SPECC1L: variants seen among roughly 807,000 people sequenced by gnomAD.
The protein encoded by SPECC1L is cytospin-A.
SPECC1L carries 40 observed loss-of-function variants against 116.8 expected under a neutral mutation model. That is an observed-to-expected ratio of 0.34 (90% confidence interval 0.27 to 0.45). SPECC1L has a LOEUF of 0.45. Among genes scored for constraint, SPECC1L ranks in the 20% least tolerant of loss-of-function variants. The pLI, the probability that SPECC1L is intolerant of heterozygous loss-of-function variation, is 1.00. For synonymous variants in SPECC1L, 504 were observed against 500.6 expected, an observed-to-expected ratio of 1.01 and a Z score of -0.09; for missense variants, 1,110 against 1,373.6, an observed-to-expected ratio of 0.81 and a Z score of 3.03.
intron 6 of SPECC1L, among the ~76,000 whole-genome samples, chr22:24,328,078 T>A (rs1429136568): frequency 1.3e-5 from 2 of 152,202 alleles, no homozygotes; most frequent in Non-Finnish European, 1.5e-5. Flanking sequence ...AGCACCCTCC[T>A]AAGTCATTTA....
In SPECC1L at chr22:24,322,171, T is replaced by C. The variant is rs375126702; in HGVS notation, c.1191T>C (p.Thr397=). Residue 397 remains threonine (T), a synonymous_variant, in exon 5 of 17, where the codon ACT becomes ACC. Coordinates refer to ENST00000314328, the MANE Select transcript of SPECC1L (RefSeq NM_015330.6). The part of the protein sequence containing the change: ...NASEVSVACL[T]ERIHQMEENQ... ...GTGAAGTGTCCGTGGCTTGCCTGAC[T>C]GAACGGATACACCAGATGGAAGAGA... The C allele has an allele frequency of 1.9e-6, 3 of 1,613,786 alleles. No homozygotes were observed. The highest frequency in any genetic ancestry group is 2.5e-6 in the Non-Finnish European group (3 of 1,180,042).
At chr22:24,366,208 T>C (rs1048849016) in intron 13 of SPECC1L, among the ~76,000 whole-genome samples, 2 of 152,070 alleles carry the variant, frequency 1.3e-5, no homozygotes, top group Non-Finnish European at 2.9e-5. Context: ...TTCTTTTTTT[T>C]TTTTGAGATG....
At chr22:24,317,288 C>T (rs1203246982) in intron 4 of SPECC1L, among the ~76,000 whole-genome samples, 2 of 111,716 alleles carry the variant, frequency 1.8e-5, no homozygotes, top group African/African-American at 3.2e-5. Flanking sequence ...CCCTCCCGGA[C>T]GGGGCGGCTG....
intron 11 of SPECC1L, among the ~76,000 whole-genome samples, chr22:24,354,466 A>G (rs1031205648): frequency 6.6e-6 from 1 of 152,114 alleles, no homozygotes; most frequent in Non-Finnish European, 1.5e-5. Context: ...ATTATAATCT[A>G]CTACCATTTT....
At chr22:24,363,992 C>A (rs2041697244) in intron 12 of SPECC1L, among the ~76,000 whole-genome samples, 1 of 152,130 alleles carries the variant, frequency 6.6e-6, no homozygotes, top group African/African-American at 2.4e-5. Context: ...TGACATGTAA[C>A]ATGGATTGCA....
intron 2 of SPECC1L, among the ~76,000 whole-genome samples, chr22:24,282,884 TCTC>T (rs994591790): frequency 3.3e-5 from 5 of 151,548 alleles, no homozygotes; most frequent in Admixed American, 2.0e-4. Context: ...TGCAAGCAAT[TCTC>T]CTGCCGTAGC....
intron 2 of SPECC1L, among the ~76,000 whole-genome samples, chr22:24,297,318 GT>G (rs929271432): frequency 4.6e-5 from 7 of 151,272 alleles, no homozygotes; most frequent in African/African-American, 1.7e-4. Context: ...TACATAAAGG[GT>G]TTTTTTAAAT....
intron 9 of SPECC1L, among the ~76,000 whole-genome samples, chr22:24,337,847 T>C (rs2041091406): frequency 1.3e-5 from 2 of 151,930 alleles, no homozygotes; most frequent in African/African-American, 2.4e-5. Flanking sequence ...CAGTTTATTA[T>C]AGAGAGAGAG....
chr22:24,284,768 A>G (rs1293863011), intron 2 of SPECC1L, among the ~76,000 whole-genome samples: 2 of 152,126 alleles, frequency 1.3e-5, no homozygotes, highest in Admixed American at 1.3e-4. Flanking sequence ...CCACCACAAT[A>G]CTATTATCCC....
chr22:24,323,052 T>G, intron 5 of SPECC1L, 134 bp downstream of exon 5: 2 of 1,411,184 alleles, frequency 1.4e-6, no homozygotes, highest in Non-Finnish European at 1.8e-6. Flanking sequence ...TTTTTAAAAC[T>G]TGGGAATGGT....
At chr22:24,316,237 TTTC>T (rs1470874645) in intron 4 of SPECC1L, among the ~76,000 whole-genome samples, 4 of 152,186 alleles carry the variant, frequency 2.6e-5, no homozygotes, top group African/African-American at 7.2e-5. Context: ...GAGAAGAATT[TTTC>T]TTCTTTTATC....
intron 2 of SPECC1L, among the ~76,000 whole-genome samples, chr22:24,281,281 A>G (rs754616736): frequency 2.0e-4 from 31 of 152,182 alleles, no homozygotes; most frequent in Non-Finnish European, 3.4e-4. Context: ...ACCTTCAACA[A>G]TTATCAGTCC....
rs2041503018 is a variant in SPECC1L, at chr22:24,355,106, C to G, written c.2743+7930C>G. 2.0e-5 allele frequency among the ~76,000 whole-genome samples: 3 copies of G among 151,630 alleles called. No homozygotes were observed. The South Asian group carries it at 6.3e-4, about 32-fold the overall frequency. On this transcript the variant is annotated intron_variant, in intron 11 of 16. Transcript: ENST00000314328. ...CCATCCTGGCAAACATGGTGAAACC[C>G]TGTCTCTACTAAAAATACAAAAATT...
intron 11 of SPECC1L, among the ~76,000 whole-genome samples, chr22:24,354,694 G>T (rs534036639): frequency 7.3e-4 from 109 of 149,178 alleles, no homozygotes; most frequent in Non-Finnish European, 1.3e-3. Flanking sequence ...TTGAGACAGA[G>T]TCTCACCCTG....
At chr22:24,385,346 A>T (rs993151293) in intron 14 of SPECC1L, among the ~76,000 whole-genome samples, 8 of 152,306 alleles carry the variant, frequency 5.3e-5, no homozygotes, top group African/African-American at 1.9e-4. Context: ...ATAGTAATAG[A>T]TGTAAATCCA....
At chr22:24,330,949 A>G (rs118133842) in intron 8 of SPECC1L, among the ~76,000 whole-genome samples, 2,358 of 152,348 alleles carry the variant, frequency 0.015, 34 homozygotes, top group Non-Finnish European at 0.021. Flanking sequence ...AATGATCAGT[A>G]TACTTTAGCT....
chr22:24,369,421 A>G, intron 14 of SPECC1L, 101 bp downstream of exon 14: 2 of 866,586 alleles, frequency 2.3e-6, no homozygotes, highest in Admixed American at 3.8e-5. Context: ...ATAAGTCCTG[A>G]CCTGGCATGG....
chr22:24,356,654 T>C (rs1046626449), intron 11 of SPECC1L, among the ~76,000 whole-genome samples: 5 of 152,196 alleles, frequency 3.3e-5, no homozygotes, highest in African/African-American at 1.2e-4. Context: ...CATTCTCGTT[T>C]AATATGATTA....
In SPECC1L at chr22:24,322,769, C is replaced by A. The variant is rs746531449; in HGVS notation, c.1789C>A (p.His597Asn). 6 of 1,584,330 alleles carry A rather than the reference C, an allele frequency of 3.8e-6. No individual in the cohort carries two copies. In the Admixed American group the frequency reaches 1.1e-4, roughly 28 times the overall value. The change falls in exon 5 of 17, where the codon CAT (histidine) becomes AAT (asparagine). Residue 597 changes from histidine (H) to asparagine (N), a missense_variant. Transcript: ENST00000314328. ...GAAAGTGGCAGAGCTGTATTCTATC[C>A]ATAACTCTGGAGACAAATCTGATAT... is the stretch of plus-strand genomic sequence containing the variant. Reference protein sequence around the residue: ...KQKVAELYSIHNSGDKSDIQD... With the variant: ...KQKVAELYSINNSGDKSDIQD...
Sources: gnomAD v4.1 joint callset for allele counts (sites outside exome capture counted in the v4.1 genomes callset) on GRCh38, gnomAD v4.1.1 for gene constraint, MANE v1.5 for transcripts, NCBI Gene and HGNC (gene_info 2026-07-23, HGNC 2026-07-21) for gene names.